Variants in PPFIA4 observed in about 807,000 individuals in gnomAD.
PPFIA4 encodes the protein liprin-alpha-4.
In PPFIA4, 98 loss-of-function variants were observed where a neutral mutation model predicts 145.7. That is an observed-to-expected ratio of 0.67 (90% confidence interval 0.57 to 0.80). PPFIA4 has a LOEUF of 0.80. Ranked by LOEUF, PPFIA4 falls within the 30% of genes least tolerant of loss-of-function variation. The pLI is 0.00. For missense variants in PPFIA4, 1,457 were observed against 1,632.7 expected, an observed-to-expected ratio of 0.89 and a Z score of 1.85; for synonymous variants, 628 against 649.6, an observed-to-expected ratio of 0.97 and a Z score of 0.51.
intron 1 of PPFIA4, among the ~76,000 whole-genome samples, chr1:203,031,590 G>A (rs1658835696): frequency 1.3e-5 from 2 of 152,138 alleles, no homozygotes; most frequent in Admixed American, 1.3e-4. Flanking sequence ...TTAGCACTCC[G>A]GACCCGTCCT....
rs1040634417 is a variant in PPFIA4, at chr1:203,078,695, G to A, written c.*2305G>A. The A allele has an allele frequency of 1.3e-5, 2 of 151,814 alleles. No individual in the cohort carries two copies. The highest frequency in any genetic ancestry group is 4.9e-5 in the African/African-American group (2 of 41,042). The allele number at this position is 151,814 out of a possible 1,614,324, so 9.4% of individuals were successfully genotyped here. A position where few individuals can be genotyped will look rare whatever the true frequency, so the allele number is the denominator to read the frequency against. On this transcript the variant is annotated 3_prime_UTR_variant, in exon 30 of 30. Transcript: ENST00000295706. ...TGTGTGTGGGTGGGTGTGAGTGTGG[G>A]TGTGTACGTACCAATAAACAACCTG...
chr1:203,056,460 G>T lies in PPFIA4; in HGVS notation c.2192G>T (p.Arg731Leu). Reference protein sequence around the residue: ...TSPPSSPRTLRLEKLGHPALS... With the variant: ...TSPPSSPRTLLLEKLGHPALS... ...CCTCCTTCCTCACCCAGGACGCTGC[G>T]GCTAGAGAAGCTTGGCCACCCAGCC... is the stretch of plus-strand genomic sequence containing the variant. The change falls in exon 18 of 30, where the codon CGG (arginine) becomes CTG (leucine). Residue 731 changes from arginine to leucine, a missense_variant. Around this residue, in one of 3 missense-constraint regions of PPFIA4, gnomAD observed 848 missense variants for 1,046.7 expected, o/e 0.81. Transcript: ENST00000295706. The T allele has an allele frequency of 1.9e-6, 3 of 1,613,968 alleles. No individual in the cohort carries two copies. The highest frequency in any genetic ancestry group is 2.5e-6 in the Non-Finnish European group (3 of 1,179,890).
Position 203,062,474 on chromosome 1 carries a change from C to T in PPFIA4, c.2874+796C>T, listed in dbSNP as rs377284329. On this transcript the variant is annotated intron_variant, in intron 24 of 29. Transcript: ENST00000295706. ...CAGCCTGGGTGACAGAGCAAGACTC[C>T]GTCTCAAAAAAAAAAAAAAAAAAAA... Among the ~76,000 whole-genome samples the T allele has an allele frequency of 7.6e-4, 74 of 96,806 alleles. 3 individuals are homozygous for T. The highest frequency in any genetic ancestry group is 2.4e-3 in the African/African-American group (51 of 21,650). The allele number at this position is 96,806 out of a possible 152,430, so 63.5% of individuals were successfully genotyped here. A position where few individuals can be genotyped will look rare whatever the true frequency, so the allele number is the denominator to read the frequency against.
Position 203,056,913 on chromosome 1 carries a change from G to T in PPFIA4, c.2370G>T (p.Arg790Ser), listed in dbSNP as rs781454458. 18 of 1,613,948 alleles carry T rather than the reference G, an allele frequency of 1.1e-5. No individual in the cohort carries two copies. Among genetic ancestry groups the T allele is most frequent in the Non-Finnish European group, 1.5e-5 (18 of 1,179,912 alleles). Residue 790 changes from arginine (R) to serine (S), a missense_variant, in exon 19 of 30, where the codon AGG becomes AGT. Arg to Ser is a moderately radical substitution (Grantham distance 110). Transcript: ENST00000295706. ...TGTTTGGGAAGAAGGAGAAGGGCAG[G>T]CTGATCCAGCTGAGTCGGGATGGAG... ...GRLFGKKEKG[R>S]LIQLSRDGAT...
chr1:203,040,795 G>T (rs60749823), intron 2 of PPFIA4, among the ~76,000 whole-genome samples: 34,747 of 152,134 alleles, frequency 0.23, 4,454 homozygotes, highest in East Asian at 0.46. Flanking sequence ...AGAGAATGAG[G>T]CTCAGAGAGA....
intron 14 of PPFIA4, 32 bp downstream of exon 14, chr1:203,051,909 T>C (rs2102650476): frequency 6.2e-7 from 1 of 1,604,000 alleles, no homozygotes; most frequent in Non-Finnish European, 8.5e-7. Flanking sequence ...CTCAGGGAGT[T>C]TGGGGTCAAT....
At position 203,029,267 on chromosome 1, in the gene PPFIA4, C is replaced by G. The variant is rs1040388278; in HGVS notation, c.-400+2638C>G. On this transcript the variant is annotated intron_variant, in intron 1 of 29. Coordinates refer to ENST00000295706, the MANE Select transcript of PPFIA4 (RefSeq NM_001304331.2). Reference sequence around the variant, plus strand: ...ACCTCGGGGCCTCCTTGAGGTGTCTCCATCCCCCCAGGTGAAGTCAGCTGT... The same window carrying G: ...ACCTCGGGGCCTCCTTGAGGTGTCTGCATCCCCCCAGGTGAAGTCAGCTGT... Among the ~76,000 whole-genome samples, 3 of 152,208 alleles carry G rather than the reference C, an allele frequency of 2.0e-5. No homozygotes were observed. The South Asian group carries it at 6.2e-4, about 31-fold the overall frequency.
chr1:203,048,735 G>A lies in PPFIA4; in HGVS notation c.1356+21G>A, dbSNP rs1238482670. 2 of 1,607,738 alleles carry A rather than the reference G, an allele frequency of 1.2e-6. No homozygotes were observed. The highest frequency in any genetic ancestry group is 4.5e-5 in the East Asian group (2 of 44,624). On this transcript the variant is annotated intron_variant, in intron 11 of 29. Coordinates refer to ENST00000295706, the MANE Select transcript of PPFIA4 (RefSeq NM_001304331.2). The surrounding 1 kb of genome is among the most constrained non-coding windows in gnomAD (Gnocchi z 5.8). ...AGAAGGTGCCCAGAGGGGCGGGGTT[G>A]GGATGCGAGAGGTTAGTGCTGGGTG...
chr1:203,027,846 C>T (rs1391500113), intron 1 of PPFIA4, among the ~76,000 whole-genome samples: 1 of 152,168 alleles, frequency 6.6e-6, no homozygotes, highest in Non-Finnish European at 1.5e-5. Context: ...TGTTACATTG[C>T]TGTTGGATTA....
In PPFIA4 at chr1:203,054,063, A is replaced by T. The variant is rs891373493; in HGVS notation, c.1829+102A>T. On this transcript the variant is annotated intron_variant, in intron 15 of 29. Coordinates refer to ENST00000295706, the MANE Select transcript of PPFIA4 (RefSeq NM_001304331.2). ...GGTTTGCCCAACTCTTATAGCTGCA[A>T]CTTAGAGTACCACAGTTCAGGGACC... 3.1e-5 allele frequency: 40 copies of T among 1,278,714 alleles called. No homozygotes were observed. The Middle Eastern group carries it at 1.3e-3, about 40-fold the overall frequency. 79.2% of individuals were successfully genotyped at this position (1,278,714 alleles called of 1,614,324 possible).
chr1:203,069,704 G>A (rs774770263), intron 27 of PPFIA4, among the ~76,000 whole-genome samples: 9 of 152,102 alleles, frequency 5.9e-5, no homozygotes, highest in Non-Finnish European at 8.8e-5. Flanking sequence ...TGGCCTTTTG[G>A]GGGTGGTGGC....
chr1:203,031,862 G>T (rs1658854974), intron 1 of PPFIA4, among the ~76,000 whole-genome samples: 1 of 152,206 alleles, frequency 6.6e-6, no homozygotes, highest in African/African-American at 2.4e-5. Context: ...TGTACTTAAT[G>T]ATGTAAGTTC....
chr1:203,057,043 C>G, intron 19 of PPFIA4, 93 bp downstream of exon 19: 1 of 1,564,748 alleles, frequency 6.4e-7, no homozygotes. Context: ...GCCTGCGTCC[C>G]AGGGACCAGT....
intron 14 of PPFIA4, 139 bp from the exon 15 acceptor site, chr1:203,053,614 T>A: frequency 1.4e-6 from 1 of 697,076 alleles, no homozygotes; most frequent in South Asian, 1.8e-5. Context: ...TCAGTAGGTC[T>A]GGTGGTGCGG....
intron 7 of PPFIA4, 86 bp downstream of exon 7, chr1:203,045,645 G>GAC: frequency 6.8e-7 from 1 of 1,465,318 alleles, no homozygotes; most frequent in East Asian, 2.5e-5. Flanking sequence ...GCGTGAGACT[G>GAC]AACACCTGCC....
Position 203,059,180 on chromosome 1 carries a change from C to T in PPFIA4, c.2410C>T (p.Leu804=). ...CACACACATCTCTTTCCTTGTAGTT[C>T]TGCTAACAGACTCCGAATTCAGTAT... is the stretch of plus-strand genomic sequence containing the variant. The part of the protein sequence containing the change: ...LSRDGATGHV[L]LTDSEFSMQE... Residue 804 remains leucine, a splice_region_variant and synonymous_variant, in exon 20 of 30, where the codon CTG becomes TTG. Transcript: ENST00000295706. The T allele has an allele frequency of 6.6e-7, 1 of 1,514,284 alleles. No homozygotes were observed. The highest frequency in any genetic ancestry group is 1.9e-5 in the Admixed American group (1 of 52,382). The allele number at this position is 1,514,284 out of a possible 1,614,324, so 93.8% of individuals were successfully genotyped here. A position where few individuals can be genotyped will look rare whatever the true frequency, so the allele number is the denominator to read the frequency against.
In PPFIA4 at chr1:203,039,242, G is replaced by C. The variant is rs1247945090; in HGVS notation, c.234G>C (p.Gln78His). ...GCCACCTTAACTCCGCCCTCCCCCA[G>C]GTAAGGCCCGAAGGCCTGCGTCTCT... ...LQRHLNSALP[Q>H]EFATLTRELS... The change falls in exon 2 of 30, where the codon CAG becomes CAC. Residue 78 changes from glutamine (Q) to histidine (H), a missense_variant and splice_region_variant. Physicochemically the swap from Gln to His is conservative, Grantham distance 24. This residue lies in a region of PPFIA4 where 463 missense variants were observed against 459.8 expected (regional missense o/e 1.01). Transcript: ENST00000295706. The C allele has an allele frequency of 6.4e-7, 1 of 1,574,578 alleles. No individual in the cohort carries two copies. The highest frequency in any genetic ancestry group is 8.6e-7 in the Non-Finnish European group (1 of 1,161,694).
intron 27 of PPFIA4, among the ~76,000 whole-genome samples, chr1:203,070,833 G>A (rs761333174): frequency 6.6e-6 from 1 of 152,022 alleles, no homozygotes; most frequent in Non-Finnish European, 1.5e-5. Flanking sequence ...GTTATCCATG[G>A]TTTACATGCT....
intron 7 of PPFIA4, 83 bp downstream of exon 7, chr1:203,045,642 A>C: frequency 1.4e-6 from 2 of 1,467,710 alleles, no homozygotes; most frequent in Non-Finnish European, 1.8e-6. Context: ...GGGGCGTGAG[A>C]CTGAACACCT....
Sources: allele counts gnomAD v4.1 joint callset (sites outside exome capture counted in the v4.1 genomes callset), GRCh38; gene constraint gnomAD v4.1.1; regional missense constraint gnomAD v4.1.1; non-coding constraint Gnocchi (gnomAD v3.1); transcripts MANE v1.5; gene names NCBI Gene and HGNC (gene_info 2026-07-23, HGNC 2026-07-21).